Variants in RNF180 observed in about 807,000 individuals in gnomAD.
The protein encoded by RNF180 is ring finger protein 180, also known as E3 ubiquitin-protein ligase RNF180.
Under a neutral mutation model 59.2 loss-of-function variants are expected in RNF180, and 38 were observed. The observed-to-expected ratio is 0.64, with a 90% confidence interval of 0.50 to 0.84. The LOEUF (loss-of-function observed/expected upper bound fraction) is 0.84, where lower values mean the gene tolerates loss of function less well. Ranked by LOEUF, RNF180 falls within the 40% of genes least tolerant of loss-of-function variation. The pLI, the probability that RNF180 is intolerant of heterozygous loss-of-function variation, is 0.00. For synonymous variants in RNF180, 262 were observed against 240.3 expected (o/e 1.09, Z -0.84); for missense variants, 705 against 700.9 (o/e 1.01, Z -0.07).
At chr5:64,218,897 T>TTTGTATC (rs1471503067) in intron 5 of RNF180, among the ~76,000 whole-genome samples, 2 of 152,240 alleles carry the variant, frequency 1.3e-5, no homozygotes, top group African/African-American at 4.8e-5. Flanking sequence ...TTGTTTTGAC[T>TTTGTATC]TTGTATCTTG....
intron 5 of RNF180, among the ~76,000 whole-genome samples, chr5:64,307,736 A>G (rs1336237323): frequency 2.0e-5 from 3 of 151,804 alleles, no homozygotes; most frequent in Non-Finnish European, 4.4e-5. Context: ...AGCCTATTTT[A>G]TAATAAAGTG....
At chr5:64,263,418 G>A (rs1463841969) in intron 5 of RNF180, among the ~76,000 whole-genome samples, 1 of 152,166 alleles carries the variant, frequency 6.6e-6, no homozygotes, top group African/African-American at 2.4e-5. Context: ...GCTCTTTTGA[G>A]TTAGTATGAG....
intron 1 of RNF180, among the ~76,000 whole-genome samples, chr5:64,176,758 C>T (rs1199477016): frequency 6.6e-6 from 1 of 152,098 alleles, no homozygotes; most frequent in Non-Finnish European, 1.5e-5. Flanking sequence ...TAGAAACAAC[C>T]ACAGCTGTTT....
chr5:64,171,848 C>A (rs566950625), intron 1 of RNF180, among the ~76,000 whole-genome samples: 1 of 152,184 alleles, frequency 6.6e-6, no homozygotes, highest in East Asian at 1.9e-4. Context: ...CCCCGCCCCC[C>A]CACCAATAAC....
At position 64,189,042 on chromosome 5, in the gene RNF180, C is replaced by T. The variant is rs76368671; in HGVS notation, c.1-11766C>T. ...AAGTATACACAAACAGAGGAAAGGACATATGAGGACTCAGCAGGAAAGTGG... is the reference window on the plus strand; with the variant it reads ...AAGTATACACAAACAGAGGAAAGGATATATGAGGACTCAGCAGGAAAGTGG... On this transcript the variant is annotated intron_variant, in intron 1 of 7. Coordinates refer to ENST00000389100, the MANE Select transcript of RNF180 (RefSeq NM_001113561.2). 1.5e-3 allele frequency among the ~76,000 whole-genome samples: 225 copies of T among 151,976 alleles called. 1 individual carries two copies. The highest frequency in any genetic ancestry group is 5.2e-3 in the African/African-American group (216 of 41,468).
chr5:64,187,512 A>AT (rs1294610292), intron 1 of RNF180, among the ~76,000 whole-genome samples: 3 of 152,306 alleles, frequency 2.0e-5, no homozygotes, highest in African/African-American at 7.2e-5. Flanking sequence ...ACCAACAATT[A>AT]TTTAAGAAGA....
intron 4 of RNF180, 57 bp from the exon 5 acceptor site, chr5:64,217,304 C>A: frequency 7.5e-7 from 1 of 1,332,514 alleles, no homozygotes; most frequent in Non-Finnish European, 9.6e-7. Context: ...ATGAATAGAA[C>A]TTTTACAGAC....
At chr5:64,170,834 A>G (rs1241374768) in intron 1 of RNF180, among the ~76,000 whole-genome samples, 1 of 152,156 alleles carries the variant, frequency 6.6e-6, no homozygotes, top group African/African-American at 2.4e-5. Context: ...AGCACTTGGT[A>G]TGGTCCTTTC....
In RNF180 at chr5:64,191,586, TACAA is replaced by T. The variant is rs1487588210; in HGVS notation, c.1-9218_1-9215del. ...ATTTCACAAAGGTCAATGCATGAAATACAAACATATTTTTTCTGTTGTCTAATGA... is the reference window on the plus strand; with the variant it reads ...ATTTCACAAAGGTCAATGCATGAAATACATATTTTTTCTGTTGTCTAATGA... On this transcript the variant is annotated intron_variant, in intron 1 of 7. Coordinates refer to ENST00000389100, the MANE Select transcript of RNF180 (RefSeq NM_001113561.2). Among the ~76,000 whole-genome samples, 3 of 152,232 alleles carry T rather than the reference TACAA, an allele frequency of 2.0e-5. No homozygotes were observed. The East Asian group carries it at 5.8e-4, about 29-fold the overall frequency.
chr5:64,292,213 G>A (rs1166924858), intron 5 of RNF180, among the ~76,000 whole-genome samples: 1 of 152,082 alleles, frequency 6.6e-6, no homozygotes, highest in Non-Finnish European at 1.5e-5. Flanking sequence ...AAGGCACTCT[G>A]GCCTTTTGAG....
At chr5:64,346,359 C>CTTTTTTTTTTTTTTTTTTTTTTTTTTTT (rs1162054033) in intron 7 of RNF180, among the ~76,000 whole-genome samples, 3 of 42,954 alleles carry the variant, frequency 7.0e-5, no homozygotes, top group Non-Finnish European at 1.3e-4. Context: ...TTCTTTTCTT[C>CTTTTTTTTTTTTTTTTTTTTTTTTTTTT]TTTTTTTTTT....
At chr5:64,253,070 T>C (rs1743689110) in intron 5 of RNF180, among the ~76,000 whole-genome samples, 1 of 152,136 alleles carries the variant, frequency 6.6e-6, no homozygotes, top group Admixed American at 6.6e-5. Flanking sequence ...AGTTTTAAAC[T>C]ATAAGCCAAT....
intron 5 of RNF180, among the ~76,000 whole-genome samples, chr5:64,239,134 A>G (rs962696042): frequency 3.3e-5 from 5 of 152,138 alleles, no homozygotes; most frequent in African/African-American, 1.2e-4. Context: ...ATTTTGACCC[A>G]TGTATATGGT....
intron 6 of RNF180, among the ~76,000 whole-genome samples, chr5:64,327,405 T>C (rs1744695911): frequency 6.6e-6 from 1 of 152,130 alleles, no homozygotes; most frequent in Admixed American, 6.5e-5. Context: ...CTTCTAGTGC[T>C]TTGATGTATT....
In RNF180 at chr5:64,213,827, C is replaced by G; in HGVS notation, c.501C>G (p.Asn167Lys). 1 of 1,614,136 alleles carries G rather than the reference C, an allele frequency of 6.2e-7. No individual in the cohort carries two copies. The highest frequency in any genetic ancestry group is 8.5e-7 in the Non-Finnish European group (1 of 1,180,022). The change falls in exon 4 of 8, where the codon AAC (asparagine) becomes AAG (lysine). Residue 167 changes from asparagine to lysine, a missense_variant. Asn to Lys is a moderately conservative substitution (Grantham distance 94). Transcript: ENST00000389100. ...AAAACAGAAATCACAGGCTTTTAAA[C>G]ATGGCCCGAAATAATAATGACCCTG... ...GSENRNHRLLNMARNNNDPGR... is the reference protein window; with the variant it reads ...GSENRNHRLLKMARNNNDPGR...
chr5:64,176,911 G>A (rs1057052811), intron 1 of RNF180, among the ~76,000 whole-genome samples: 1 of 152,134 alleles, frequency 6.6e-6, no homozygotes, highest in African/African-American at 2.4e-5. Context: ...CACATATTTT[G>A]GGCAGCAAGG....
At chr5:64,202,089 A>G (rs2112062666) in intron 2 of RNF180, among the ~76,000 whole-genome samples, 1 of 152,314 alleles carries the variant, frequency 6.6e-6, no homozygotes, top group South Asian at 2.1e-4. Context: ...CAACTTGATA[A>G]GTTTTATCAG....
intron 5 of RNF180, among the ~76,000 whole-genome samples, chr5:64,242,113 A>G (rs1215560423): frequency 6.6e-6 from 1 of 152,112 alleles, no homozygotes; most frequent in Non-Finnish European, 1.5e-5. Context: ...ATCCAGTGCT[A>G]TGCTGTTTAC....
chr5:64,230,607 A>G (rs1335170782), intron 5 of RNF180, among the ~76,000 whole-genome samples: 4 of 152,230 alleles, frequency 2.6e-5, no homozygotes, highest in African/African-American at 9.6e-5. Flanking sequence ...AATGTCAACT[A>G]GTTAGCAGCC....
Sources: allele counts gnomAD v4.1 joint callset (sites outside exome capture counted in the v4.1 genomes callset), GRCh38; gene constraint gnomAD v4.1.1; transcripts MANE v1.5; gene names NCBI Gene and HGNC (gene_info 2026-07-23, HGNC 2026-07-21).